Variants in SLC24A4 observed in about 807,000 individuals in gnomAD.
SLC24A4 encodes the protein sodium/potassium/calcium exchanger 4.
In SLC24A4, 53 loss-of-function variants were observed where a neutral mutation model predicts 79.0. That is an observed-to-expected ratio of 0.67 (90% CI 0.54 to 0.84). The LOEUF (loss-of-function observed/expected upper bound fraction) is 0.84. SLC24A4 is among the 40% of genes least tolerant of loss of function. The pLI is 0.00. For synonymous variants in SLC24A4, 323 were observed against 323.8 expected (o/e 1.00, Z 0.03); for missense variants, 731 against 822.0 (o/e 0.89, Z 1.35).
rs1212094664 is a variant in SLC24A4, at chr14:92,425,412, C to T, written c.242-8500C>T. Among the ~76,000 whole-genome samples, 4 of 152,206 alleles carry T rather than the reference C, an allele frequency of 2.6e-5. 1 individual carries two copies. The highest frequency in any genetic ancestry group is 2.0e-4 in the Admixed American group (3 of 15,288). ...CTACAGGGAGCCTATTTGTTTTTCT[C>T]TTGTTGTTCTTGAGTTGGAAGCAGG... On this transcript the variant is annotated intron_variant, in intron 2 of 16. Coordinates refer to ENST00000532405, the MANE Select transcript of SLC24A4 (RefSeq NM_153646.4).
At chr14:92,412,661 C>T (rs1429251499) in intron 2 of SLC24A4, among the ~76,000 whole-genome samples, 1 of 152,166 alleles carries the variant, frequency 6.6e-6, no homozygotes, top group Non-Finnish European at 1.5e-5. Flanking sequence ...CACGCCCATC[C>T]TCCATCCTGC....
chr14:92,442,648 C>T, intron 5 of SLC24A4, 65 bp from the exon 6 acceptor site: 2 of 1,131,316 alleles, frequency 1.8e-6, no homozygotes, highest in Non-Finnish European at 2.7e-6. Flanking sequence ...GAAAGGGGGA[C>T]ACTGAGGAAG....
intron 10 of SLC24A4, chr14:92,451,673 C>A (rs890292730): frequency 1.3e-5 from 2 of 152,252 alleles, no homozygotes; most frequent in Non-Finnish European, 2.9e-5. Flanking sequence ...GGCAGAAAGC[C>A]TTTTCCCCAC....
intron 2 of SLC24A4, among the ~76,000 whole-genome samples, chr14:92,334,916 A>G (rs1372022042): frequency 6.7e-6 from 1 of 149,352 alleles, no homozygotes; most frequent in African/African-American, 2.6e-5. Context: ...CATCGTCATC[A>G]TCATCATCGT....
chr14:92,468,892 CTGTGTGTGTGTGTGTG>C lies in SLC24A4; in HGVS notation c.1255+12312_1255+12327del, dbSNP rs57575129. ...GAGAAAACATTTGCAAATCATGTAT[CTGTGTGTGTGTGTGTG>C]TGTGTGTGTGTGTGTGTGTGTGTGT... On this transcript the variant is annotated intron_variant, in intron 12 of 16. Transcript: ENST00000532405. Among the ~76,000 whole-genome samples, 623 of 81,466 alleles carry C rather than the reference CTGTGTGTGTGTGTGTG, an allele frequency of 7.6e-3. 7 individuals are homozygous for C. The highest frequency in any genetic ancestry group is 0.018 in the African/African-American group (586 of 31,754). The allele number at this position is 81,466 out of a possible 152,430, so 53.4% of individuals were successfully genotyped here. A position where few individuals can be genotyped will look rare whatever the true frequency, so the allele number is the denominator to read the frequency against.
At position 92,492,219 on chromosome 14, in the gene SLC24A4, G is replaced by A. The variant is rs1346100818; in HGVS notation, c.1695G>A (p.Leu565=). The change falls in exon 16 of 17, where the codon TTG becomes TTA. Residue 565 remains leucine, a synonymous_variant. Transcript: ENST00000532405. ...GGCTGGTCTATTCCGTGGTCCTGTT[G>A]CTGGGCTCTGTCGCTCTCACCGTGA... ...SRGLVYSVVL[L]LGSVALTVLG... 1.2e-6 allele frequency: 2 copies of A among 1,614,010 alleles called. No homozygotes were observed. The highest frequency in any genetic ancestry group is 1.7e-6 in the Non-Finnish European group (2 of 1,180,024).
At chr14:92,337,405 G>A (rs1885876847) in intron 2 of SLC24A4, among the ~76,000 whole-genome samples, 1 of 152,182 alleles carries the variant, frequency 6.6e-6, no homozygotes, top group Admixed American at 6.5e-5. Context: ...AATGGTGACT[G>A]GATGGACAGA....
intron 10 of SLC24A4, chr14:92,450,662 TCCCCACACACAGGCTGGC>T (rs1893085273): frequency 6.6e-6 from 1 of 152,050 alleles, no homozygotes; most frequent in Admixed American, 6.6e-5. Flanking sequence ...CACAGCCTGG[TCCCCACACACAGGCTGGC>T]AGGACAGAGG....
chr14:92,469,425 C>T (rs1442178355), intron 12 of SLC24A4, among the ~76,000 whole-genome samples: 8 of 151,776 alleles, frequency 5.3e-5, no homozygotes, highest in African/African-American at 1.5e-4. Context: ...AGGAGAATGG[C>T]ATGAACCCGG....
At chr14:92,352,531 T>G (rs1448446546) in intron 2 of SLC24A4, among the ~76,000 whole-genome samples, 1 of 152,232 alleles carries the variant, frequency 6.6e-6, no homozygotes, top group African/African-American at 2.4e-5. Flanking sequence ...ACTCCCCTTC[T>G]GTGGTTTTGC....
Position 92,374,781 on chromosome 14 carries a change from T to G in SLC24A4, c.241+48803T>G, listed in dbSNP as rs78841568. 8.6e-3 allele frequency among the ~76,000 whole-genome samples: 1,306 copies of G among 152,356 alleles called. 21 individuals carry two copies. The highest frequency in any genetic ancestry group is 0.03 in the African/African-American group (1,262 of 41,574). ...CAGAACTATAAAGTTAGGGGACCTT[T>G]AAATGTTGGGTGCAATATTTTGCAA... is the stretch of plus-strand genomic sequence containing the variant. On this transcript the variant is annotated intron_variant, in intron 2 of 16. Coordinates refer to ENST00000532405, the MANE Select transcript of SLC24A4 (RefSeq NM_153646.4).
chr14:92,337,176 C>A (rs1885861314), intron 2 of SLC24A4, among the ~76,000 whole-genome samples: 2 of 152,058 alleles, frequency 1.3e-5, no homozygotes, highest in African/African-American at 4.8e-5. Flanking sequence ...GGGAAGTTGG[C>A]AAACTGGTTC....
chr14:92,440,046 G>GA (rs907645607), intron 4 of SLC24A4, among the ~76,000 whole-genome samples: 12 of 152,206 alleles, frequency 7.9e-5, no homozygotes, highest in African/African-American at 2.9e-4. Context: ...TCATCCCTGT[G>GA]AAATCTCCCG....
At chr14:92,435,889 G>T (rs1892138880) in intron 3 of SLC24A4, among the ~76,000 whole-genome samples, 1 of 152,030 alleles carries the variant, frequency 6.6e-6, no homozygotes, top group Non-Finnish European at 1.5e-5. Flanking sequence ...GTGGCTAATT[G>T]GTCCCACAGT....
intron 2 of SLC24A4, among the ~76,000 whole-genome samples, chr14:92,369,781 T>G (rs920850469): frequency 2.6e-5 from 4 of 152,178 alleles, no homozygotes; most frequent in Non-Finnish European, 5.9e-5. Context: ...ACCTGCTAGA[T>G]GCCAATAGCA....
At chr14:92,401,984 T>A (rs1320712502) in intron 2 of SLC24A4, among the ~76,000 whole-genome samples, 2 of 152,178 alleles carry the variant, frequency 1.3e-5, no homozygotes, top group African/African-American at 4.8e-5. Flanking sequence ...ACAAACATAT[T>A]CAAATGTATC....
intron 4 of SLC24A4, among the ~76,000 whole-genome samples, chr14:92,440,520 G>A (rs897528179): frequency 1.3e-5 from 2 of 152,086 alleles, no homozygotes; most frequent in Non-Finnish European, 2.9e-5. Context: ...GGACCCACCC[G>A]CTAGGCTGAG....
chr14:92,470,060 G>A (rs766881789), intron 12 of SLC24A4, among the ~76,000 whole-genome samples: 1 of 152,192 alleles, frequency 6.6e-6, no homozygotes, highest in East Asian at 1.9e-4. Flanking sequence ...TTTATGATAC[G>A]TTAATTATAT....
intron 2 of SLC24A4, among the ~76,000 whole-genome samples, chr14:92,420,164 T>A (rs1891199564): frequency 6.6e-6 from 1 of 152,136 alleles, no homozygotes; most frequent in Non-Finnish European, 1.5e-5. Flanking sequence ...GATATTGAAT[T>A]TCCAGCCTAC....
Sources: gnomAD v4.1 joint callset for allele counts (sites outside exome capture counted in the v4.1 genomes callset) on GRCh38, gnomAD v4.1.1 for gene constraint, MANE v1.5 for transcripts, NCBI Gene and HGNC (gene_info 2026-07-23, HGNC 2026-07-21) for gene names.